FH: variants seen among roughly 807,000 people sequenced by gnomAD.
FH encodes the protein fumarate hydratase.
FH carries 22 observed loss-of-function variants against 49.4 expected under a neutral mutation model. The observed-to-expected ratio is 0.45, with a 90% CI of 0.32 to 0.64. The LOEUF is 0.64. Among genes scored for constraint, FH ranks in the 30% least tolerant of loss-of-function variants. FH has a pLI of 0.05. For synonymous variants in FH, 208 were observed against 223.0 expected (o/e 0.93, Z 0.60); for missense variants, 526 against 641.5 (o/e 0.82, Z 1.95).
At chr1:241,518,910 A>T (rs1331046885) in intron 1 of FH, 1 of 152,250 alleles carries the variant, frequency 6.6e-6, no homozygotes, top group Admixed American at 6.5e-5. Flanking sequence ...GCTCCTAGCC[A>T]ATCTGCTCAA....
At position 241,517,281 on chromosome 1, in the gene FH, G is replaced by A. The variant is rs574938106; in HGVS notation, c.168C>T (p.Thr56=). 3 of 1,614,004 alleles carry A rather than the reference G, an allele frequency of 1.9e-6. No individual in the cohort carries two copies. In the African/African-American group the frequency reaches 4.0e-5, roughly 22 times the overall value. ...CATTTGGCACCTTTAGTTCACCAAA[G>A]GTATCATATTCTATCCGGAAGGAAT... ...SQNSFRIEYD[T]FGELKVPNDK... The change falls in exon 2 of 10, where the codon ACC becomes ACT. Residue 56 remains threonine, a synonymous_variant. Transcript: ENST00000366560.
At chr1:241,501,580 C>A (rs926702960) in intron 8 of FH, among the ~76,000 whole-genome samples, 1 of 152,122 alleles carries the variant, frequency 6.6e-6, no homozygotes, top group Non-Finnish European at 1.5e-5. Flanking sequence ...GCATCCAGTA[C>A]AGTGCCTGAT....
intron 4 of FH, 103 bp downstream of exon 4, chr1:241,511,864 T>A: frequency 8.9e-7 from 1 of 1,128,654 alleles, no homozygotes; most frequent in Non-Finnish European, 1.3e-6. Flanking sequence ...ATCCATTAAA[T>A]AATGAACACT....
intron 4 of FH, among the ~76,000 whole-genome samples, chr1:241,510,240 G>A (rs539838123): frequency 1.4e-4 from 21 of 152,246 alleles, no homozygotes; most frequent in African/African-American, 4.3e-4. Flanking sequence ...ACAGTTCCTT[G>A]AAAAATGGCT....
chr1:241,514,730 C>A (rs1181044475), intron 2 of FH, among the ~76,000 whole-genome samples: 1 of 151,914 alleles, frequency 6.6e-6, no homozygotes, highest in Non-Finnish European at 1.5e-5. Context: ...AAAAGGAAAA[C>A]CAGAAAATTT....
At chr1:241,499,133 A>C (rs1659703712) in intron 9 of FH, among the ~76,000 whole-genome samples, 1 of 152,158 alleles carries the variant, frequency 6.6e-6, no homozygotes, top group Non-Finnish European at 1.5e-5. Context: ...TTCAGCTGTC[A>C]AGTCCAACAA....
intron 3 of FH, among the ~76,000 whole-genome samples, chr1:241,512,895 A>G (rs1660122445): frequency 6.7e-6 from 1 of 149,786 alleles, no homozygotes; most frequent in African/African-American, 2.5e-5. Context: ...CCCAGTCTCT[A>G]TCTCATGCAA....
Position 241,497,800 on chromosome 1 carries a change from GTTTA to G in FH, c.*24_*27del. 1 of 1,546,530 alleles carries G rather than the reference GTTTA, an allele frequency of 6.5e-7. No homozygotes were observed. The highest frequency in any genetic ancestry group is 1.2e-5 in the South Asian group (1 of 84,564). On this transcript the variant is annotated 3_prime_UTR_variant, in exon 10 of 10. Transcript: ENST00000366560. ...GTCTGTTTTTTTAAATTTTATACAT[GTTTA>G]TTTTCATTATAAATTTATGTAAATC...
At chr1:241,518,016 C>T (rs1660265082) in intron 1 of FH, among the ~76,000 whole-genome samples, 1 of 152,118 alleles carries the variant, frequency 6.6e-6, no homozygotes, top group Non-Finnish European at 1.5e-5. Flanking sequence ...ACCCTATCCC[C>T]ATAGGGACTG....
At position 241,506,148 on chromosome 1, in the gene FH, T is replaced by C. The variant is rs147518314; in HGVS notation, c.759A>G (p.Gln253=). 19 of 1,613,530 alleles carry C rather than the reference T, an allele frequency of 1.2e-5. No individual in the cohort carries two copies. In the African/African-American group the frequency reaches 1.9e-4, roughly 16 times the overall value. The change falls in exon 6 of 10, where the codon CAA becomes CAG. Residue 253 remains glutamine, a synonymous_variant. Coordinates refer to ENST00000366560, the MANE Select transcript of FH (RefSeq NM_000143.4). ...TLGQEFSGYV[Q]QVKYAMTRIK... is the part of the protein sequence containing the mutation. ...TTCTTGTCATTGCATATTTTACTTG[T>C]TGAACATAACCACTAAATTCCTGAA...
At chr1:241,505,029 C>T (rs1211312183) in intron 6 of FH, among the ~76,000 whole-genome samples, 3 of 151,722 alleles carry the variant, frequency 2.0e-5, no homozygotes, top group Non-Finnish European at 4.4e-5. Flanking sequence ...CTGCCTCAGC[C>T]TCCCAAGTAG....
rs1288475140 is a variant in FH, at chr1:241,507,047, G to C, written c.739-879C>G. Among the ~76,000 whole-genome samples, 6 of 152,224 alleles carry C rather than the reference G, an allele frequency of 3.9e-5. No individual in the cohort carries two copies. The East Asian group carries it at 1.2e-3, about 29-fold the overall frequency. On this transcript the variant is annotated intron_variant, in intron 5 of 9. Coordinates refer to ENST00000366560, the MANE Select transcript of FH (RefSeq NM_000143.4). ...GATATAACTCATTATAGGTAGACCTGATGCATCTGATATAACATCACTCAT... is the reference window on the plus strand; with the variant it reads ...GATATAACTCATTATAGGTAGACCTCATGCATCTGATATAACATCACTCAT...
chr1:241,503,725 C>T (rs889141586), intron 7 of FH, among the ~76,000 whole-genome samples: 5 of 152,212 alleles, frequency 3.3e-5, no homozygotes, highest in Admixed American at 2.0e-4. Flanking sequence ...AGGCATATAA[C>T]GGAATGCAAA....
At chr1:241,505,977 G>A in intron 6 of FH, 26 bp downstream of exon 6, 1 of 1,610,064 alleles carries the variant, frequency 6.2e-7, no homozygotes. Context: ...AAATGAAAAT[G>A]AGAAATAATT....
intron 5 of FH, 132 bp from the exon 6 acceptor site, chr1:241,506,300 T>C (rs1393607874): frequency 2.8e-6 from 2 of 704,816 alleles, no homozygotes; most frequent in African/African-American, 1.8e-5. Flanking sequence ...AAGTTTTATT[T>C]ATACTACTTC....
rs1407485828 is a variant in FH at position 241,506,131 on chromosome 1, A to G, written c.776T>C (p.Met259Thr). The change falls in exon 6 of 10, where the codon ATG (methionine) becomes ACG (threonine). Residue 259 changes from methionine to threonine, a missense_variant. Transcript: ENST00000366560. ...SGYVQQVKYA[M>T]TRIKAAMPRI... ...TGGCATGGCAGCTTTTATTCTTGTC[A>G]TTGCATATTTTACTTGTTGAACATA... The G allele has an allele frequency of 6.2e-7, 1 of 1,613,752 alleles. No individual in the cohort carries two copies. Among genetic ancestry groups the G allele is most frequent in the East Asian group, 2.2e-5 (1 of 44,872 alleles).
rs200270634 is a variant in FH at position 241,500,638 on chromosome 1, A to G, written c.1237-48T>C. The stretch of plus-strand genomic sequence containing the variant: ...GAGAGAGAGAGAGAGAGAGAGAGAG[A>G]GACATTACTAAGGCAACATGTTTTT... On this transcript the variant is annotated intron_variant, in intron 8 of 9. Transcript: ENST00000366560. 3.7e-6 allele frequency: 6 copies of G among 1,605,180 alleles called. No individual in the cohort carries two copies. The African/African-American group carries it at 6.7e-5, about 18-fold the overall frequency.
In FH at chr1:241,502,734, T is replaced by C. The variant is rs1416289586; in HGVS notation, c.1109-164A>G. Among the ~76,000 whole-genome samples the C allele has an allele frequency of 3.3e-5, 5 of 152,158 alleles. No individual in the cohort carries two copies. The South Asian group carries it at 1.0e-3, about 31-fold the overall frequency. On this transcript the variant is annotated intron_variant, in intron 7 of 9. Transcript: ENST00000366560. ...AACCAACCAAGGAAGGTGGGATGGG[T>C]AGCCACAAAATGAATCATTCAAAGG...
rs1261707355 is a variant in FH at position 241,497,920 on chromosome 1, T to C, written c.1441A>G (p.Thr481Ala). 3.1e-6 allele frequency: 5 copies of C among 1,613,844 alleles called. No individual in the cohort carries two copies. The highest frequency in any genetic ancestry group is 4.2e-6 in the Non-Finnish European group (5 of 1,179,990). Reference protein sequence around the residue: ...IAKTAHKNGSTLKETAIELGY... With the variant: ...IAKTAHKNGSALKETAIELGY... ...AGTTCGATAGCAGTTTCCTTTAAGG[T>C]TGATCCATTTTTGTGTGCTGTCTTA... Residue 481 changes from threonine (T) to alanine (A), a missense_variant, in exon 10 of 10, where the codon ACC (threonine) becomes GCC (alanine). Around this residue, in one of 2 missense-constraint regions of FH, gnomAD observed 383 missense variants for 514.0 expected, o/e 0.75. Transcript: ENST00000366560.
Sources: gnomAD v4.1 joint callset for allele counts (sites outside exome capture counted in the v4.1 genomes callset) on GRCh38, gnomAD v4.1.1 for gene constraint, gnomAD v4.1.1 regional missense constraint, MANE v1.5 for transcripts, NCBI Gene and HGNC (gene_info 2026-07-23, HGNC 2026-07-21) for gene names.